The following ZSCAN18 variants were observed in gnomAD, a reference collection of about 807,000 sequenced individuals.
ZSCAN18 encodes zinc finger and SCAN domain-containing protein 18.
In ZSCAN18, 16 loss-of-function variants were observed where a neutral mutation model predicts 31.1. That is an observed-to-expected ratio of 0.51 (90% confidence interval 0.35 to 0.78). The LOEUF is 0.78. Among genes scored for constraint, ZSCAN18 ranks in the 30% least tolerant of loss-of-function variants. The probability of loss-of-function intolerance (pLI) is 0.01; values close to 1 mark genes in which losing one functional copy is unlikely to be tolerated. For synonymous variants in ZSCAN18, 375 were observed against 320.7 expected (o/e 1.17, Z -1.81); for missense variants, 731 against 697.4 (o/e 1.05, Z -0.54).
chr19:58,088,992 A>G (rs2074344584), intron 2 of ZSCAN18, among the ~76,000 whole-genome samples, 155 bp from the exon 3 acceptor site: 1 of 152,104 alleles, frequency 6.6e-6, no homozygotes, highest in Non-Finnish European at 1.5e-5. Context: ...CCTGCAAAGT[A>G]CCCAGAATAT....
At chr19:58,114,204 G>C (rs1045246477) in intron 1 of ZSCAN18, among the ~76,000 whole-genome samples, 1 of 152,126 alleles carries the variant, frequency 6.6e-6, no homozygotes, top group Non-Finnish European at 1.5e-5. Flanking sequence ...GGAGGTAGAG[G>C]TTGTGGTGAG....
chr19:58,112,386 C>T (rs1367778151), intron 1 of ZSCAN18, among the ~76,000 whole-genome samples: 1 of 152,006 alleles, frequency 6.6e-6, no homozygotes, highest in Non-Finnish European at 1.5e-5. Context: ...CGTGGTGGCT[C>T]ACGCCTGTAA....
Position 58,090,338 on chromosome 19 carries a change from G to A in ZSCAN18, c.-71C>T. ...AGGTGGCTCCAAAGGAGAGGTGCCA[G>A]GGATGACCAGATGCCCAGTGGGCTC... On this transcript the variant is annotated 5_prime_UTR_variant, in exon 2 of 7. Transcript: ENST00000601144. This position sits in a 1 kb window ranked among gnomAD's most constrained non-coding sequence, Gnocchi z 4.7. The A allele has an allele frequency of 5.0e-6, 8 of 1,607,598 alleles. No individual in the cohort carries two copies. The highest frequency in any genetic ancestry group is 5.1e-6 in the Non-Finnish European group (6 of 1,176,114).
At chr19:58,087,502 G>T in intron 3 of ZSCAN18, 98 bp from the exon 4 acceptor site, 1 of 1,026,976 alleles carries the variant, frequency 9.7e-7, no homozygotes, top group Non-Finnish European at 1.4e-6. Context: ...ACAGGCCCCA[G>T]TGTGCTTCTG....
chr19:58,113,111 C>T (rs536889462), intron 1 of ZSCAN18, among the ~76,000 whole-genome samples: 4 of 151,336 alleles, frequency 2.6e-5, no homozygotes, highest in Non-Finnish European at 4.4e-5. Context: ...GTCAGGAGAT[C>T]GAGACCATCC....
At chr19:58,111,771 C>G (rs1024021052) in intron 1 of ZSCAN18, among the ~76,000 whole-genome samples, 1 of 142,648 alleles carries the variant, frequency 7.0e-6, no homozygotes, top group African/African-American at 2.5e-5. Flanking sequence ...TACCTTGATA[C>G]CAAAGCCAGG....
At chr19:58,101,330 T>C (rs1362264369), upstream of ZSCAN18, among the ~76,000 whole-genome samples, 3 of 145,368 alleles carry the variant, frequency 2.1e-5, no homozygotes, top group Admixed American at 2.1e-4. Flanking sequence ...TTTGTATTTT[T>C]AGTAGAGACA....
intron 1 of ZSCAN18, chr19:58,093,108 C>T (rs1457454655): frequency 6.6e-6 from 1 of 151,124 alleles, no homozygotes; most frequent in Admixed American, 6.6e-5. Context: ...GGCCTGAGCT[C>T]TCAACTGGCC....
upstream of ZSCAN18, chr19:58,098,276 G>A (rs2074560356): frequency 4.1e-6 from 4 of 985,370 alleles, no homozygotes; most frequent in South Asian, 9.4e-5. Flanking sequence ...CGCGGACTAC[G>A]ACTCCCACAA....
chr19:58,086,431 AAAG>A (rs763494315), intron 5 of ZSCAN18, 165 bp from the exon 6 acceptor site: 75 of 552,898 alleles, frequency 1.4e-4, no homozygotes, highest in Non-Finnish European at 1.7e-4. Context: ...ACAGTGGAGC[AAAG>A]AAGAAGGCGA....
intron 1 of ZSCAN18, among the ~76,000 whole-genome samples, chr19:58,114,975 G>A (rs73939247): frequency 0.011 from 1,724 of 152,310 alleles, 41 homozygotes; most frequent in African/African-American, 0.038. Flanking sequence ...TGATGCTAGC[G>A]CTAGAAGCTG....
rs1327554036 is a variant in ZSCAN18, at chr19:58,107,809, T to G, written c.130+10458A>C. Reference sequence around the variant, plus strand: ...TGGTTTCTAGCGAGAGCACAGATACTTGGGAAAACTTTCCCACACTAGACA... The same window carrying G: ...TGGTTTCTAGCGAGAGCACAGATACGTGGGAAAACTTTCCCACACTAGACA... On this transcript the variant is annotated intron_variant, in intron 1 of 1. Coordinates refer to the ZSCAN18 transcript ENST00000595721. The G allele has an allele frequency of 4.0e-6, 4 of 996,004 alleles. No individual in the cohort carries two copies. The South Asian group carries it at 1.9e-4, about 46-fold the overall frequency. The allele number at this position is 996,004 out of a possible 1,614,324, so 61.7% of individuals were successfully genotyped here. A position where few individuals can be genotyped will look rare whatever the true frequency, so the allele number is the denominator to read the frequency against.
Position 58,087,018 on chromosome 19 carries a change from T to C in ZSCAN18, c.643-10A>G, listed in dbSNP as rs1281217618. The C allele has an allele frequency of 3.1e-6, 5 of 1,608,102 alleles. No individual in the cohort carries two copies. In the African/African-American group the frequency reaches 6.7e-5, roughly 22 times the overall value. On this transcript the variant is annotated splice_polypyrimidine_tract_variant and intron_variant, in intron 4 of 6. Transcript: ENST00000601144. ...GAAAGGACTTCAGCTTCTGAAACAT[T>C]AGTCGTGGCTGAGACCTCCCACCTG...
intron 1 of ZSCAN18, among the ~76,000 whole-genome samples, chr19:58,116,391 A>G (rs552488991): frequency 6.6e-6 from 1 of 151,790 alleles, no homozygotes; most frequent in South Asian, 2.1e-4. Context: ...CTAGGTATCA[A>G]TAATTCAGCA....
chr19:58,095,952 G>C (rs1030381770), intron 1 of ZSCAN18, among the ~76,000 whole-genome samples: 2 of 152,126 alleles, frequency 1.3e-5, no homozygotes, highest in Non-Finnish European at 2.9e-5. Context: ...CTTCCTACTG[G>C]GACCCTGATG....
chr19:58,093,488 G>T (rs980193295), intron 1 of ZSCAN18: 1 of 152,280 alleles, frequency 6.6e-6, no homozygotes, highest in East Asian at 1.9e-4. Flanking sequence ...CCCCACCGGG[G>T]TGCCCTCTCT....
chr19:58,096,142 G>A (rs1051862507), intron 1 of ZSCAN18, among the ~76,000 whole-genome samples: 2 of 152,194 alleles, frequency 1.3e-5, no homozygotes, highest in African/African-American at 4.8e-5. Context: ...TTAAGCAGGA[G>A]GACTGCTTGA....
intron 1 of ZSCAN18, among the ~76,000 whole-genome samples, chr19:58,114,443 TG>T (rs11308802): frequency 0.76 from 115,818 of 151,942 alleles, 44,817 homozygotes; most frequent in Non-Finnish European, 0.84. Context: ...AACATATTTA[TG>T]AGTAAAGTGT....
In ZSCAN18 at chr19:58,084,803, C is replaced by G. The variant is rs2074228232; in HGVS notation, c.1415G>C (p.Gly472Ala). ...THEKEKSYAL[G>A]GARGPQPSTR... ...GGACGGTTGGGGGCCCCGGGCGCCC[C>G]CCAGCGCGTAGCTTTTCTCCTTCTC... Residue 472 changes from glycine to alanine, a missense_variant, in exon 7 of 7, where the codon GGG becomes GCG. By Grantham distance (60) the Gly-to-Ala change is moderately conservative. This residue lies in a region of ZSCAN18 where 597 missense variants were observed against 499.5 expected (regional missense o/e 1.20). Coordinates refer to ENST00000601144, the MANE Select transcript of ZSCAN18 (RefSeq NM_001145543.2). This position sits in a 1 kb window ranked among gnomAD's most constrained non-coding sequence, Gnocchi z 4.5. 6.3e-7 allele frequency: 1 copy of G among 1,582,870 alleles called. No individual in the cohort carries two copies. The highest frequency in any genetic ancestry group is 8.5e-7 in the Non-Finnish European group (1 of 1,169,648).
Sources: allele counts gnomAD v4.1 joint callset (sites outside exome capture counted in the v4.1 genomes callset), GRCh38; gene constraint gnomAD v4.1.1; regional missense constraint gnomAD v4.1.1; non-coding constraint Gnocchi (gnomAD v3.1); transcripts MANE v1.5; gene names NCBI Gene and HGNC (gene_info 2026-07-23, HGNC 2026-07-21).